Variants in L3MBTL4 observed in about 807,000 individuals in gnomAD.
The protein encoded by L3MBTL4 is lethal(3)malignant brain tumor-like protein 4.
Under a neutral mutation model 84.5 loss-of-function variants are expected in L3MBTL4, and 70 were observed. The observed-to-expected ratio is 0.83, with a 90% CI of 0.68 to 1.01. The LOEUF is 1.01. Among genes scored for constraint, L3MBTL4 ranks in the 50% least tolerant of loss-of-function variants. The pLI, the probability that L3MBTL4 is intolerant of heterozygous loss-of-function variation, is 0.00. For synonymous variants in L3MBTL4, 274 were observed against 259.8 expected (o/e 1.05, Z -0.52); for missense variants, 715 against 754.8 (o/e 0.95, Z 0.62).
chr18:6,108,646 A>T (rs2144035883), intron 14 of L3MBTL4, among the ~76,000 whole-genome samples: 1 of 152,240 alleles, frequency 6.6e-6, no homozygotes, highest in South Asian at 2.1e-4. Context: ...GGGCATTTCT[A>T]GAGCTCAGAA....
chr18:6,404,877 G>A lies in L3MBTL4; in HGVS notation c.-91+9924C>T, dbSNP rs9949307. On this transcript the variant is annotated intron_variant, in intron 1 of 18. Transcript: ENST00000317931. ...ATTTTTTTTTTTTTTTTGAAGAGAC[G>A]AAGTCTCACTATGTTGCCCACGTTG... Among the ~76,000 whole-genome samples, 331 of 150,170 alleles carry A rather than the reference G, an allele frequency of 2.2e-3. 1 individual carries two copies. Among genetic ancestry groups the A allele is most frequent in the African/African-American group, 7.7e-3 (313 of 40,800 alleles).
chr18:6,016,216 G>T (rs1473714363), intron 16 of L3MBTL4, among the ~76,000 whole-genome samples: 1 of 152,138 alleles, frequency 6.6e-6, no homozygotes, highest in Non-Finnish European at 1.5e-5. Flanking sequence ...ACTCTTCCGG[G>T]GGAGCAGCAG....
intron 10 of L3MBTL4, among the ~76,000 whole-genome samples, chr18:6,230,501 A>G (rs1279190988): frequency 3.3e-5 from 5 of 151,996 alleles, no homozygotes; most frequent in Admixed American, 2.6e-4. Flanking sequence ...ATTTGAGTTG[A>G]CTCCATGTCT....
intron 1 of L3MBTL4, among the ~76,000 whole-genome samples, chr18:6,339,110 C>T (rs1017145572): frequency 4.6e-5 from 7 of 152,082 alleles, no homozygotes; most frequent in African/African-American, 9.7e-5. Flanking sequence ...CCCCTTCCGC[C>T]GACCCAAACA....
rs879205521 is a variant in L3MBTL4 at position 5,955,163 on chromosome 18, C to G, written c.*1057G>C. 6 of 152,280 alleles carry G rather than the reference C, an allele frequency of 3.9e-5. No homozygotes were observed. The South Asian group carries it at 8.3e-4, about 21-fold the overall frequency. 9.4% of individuals were successfully genotyped at this position (152,280 alleles called of 1,614,324 possible). On this transcript the variant is annotated 3_prime_UTR_variant, in exon 19 of 19. Coordinates refer to ENST00000317931, the MANE Select transcript of L3MBTL4 (RefSeq NM_001330559.2). ...GTCTTTCAACACTGTGGGACTGATTCCACACAACTTAAGCCTCCGATACAA... is the reference window on the plus strand; with the variant it reads ...GTCTTTCAACACTGTGGGACTGATTGCACACAACTTAAGCCTCCGATACAA...
intron 4 of L3MBTL4, among the ~76,000 whole-genome samples, chr18:6,279,233 A>T (rs2049221551): frequency 6.6e-6 from 1 of 152,302 alleles, no homozygotes; most frequent in East Asian, 1.9e-4. Context: ...AGAGTGAAGA[A>T]TTGATAAAAC....
chr18:5,972,108 C>T (rs1218062228), intron 16 of L3MBTL4, among the ~76,000 whole-genome samples: 4 of 152,158 alleles, frequency 2.6e-5, no homozygotes, highest in African/African-American at 9.7e-5. Flanking sequence ...CAGGCACTTG[C>T]TGAGCTGTGG....
chr18:6,138,813 A>C (rs2060110805), intron 13 of L3MBTL4, among the ~76,000 whole-genome samples: 1 of 152,200 alleles, frequency 6.6e-6, no homozygotes. Context: ...CAGCCTCCCA[A>C]AGTACTGGGA....
At chr18:6,292,220 C>A (rs182160851) in intron 4 of L3MBTL4, among the ~76,000 whole-genome samples, 2 of 152,152 alleles carry the variant, frequency 1.3e-5, no homozygotes, top group Admixed American at 1.3e-4. Flanking sequence ...CAGGTTTCAC[C>A]AAGTTTCTCC....
chr18:6,244,188 C>T (rs180775822), intron 6 of L3MBTL4, among the ~76,000 whole-genome samples: 1 of 152,228 alleles, frequency 6.6e-6, no homozygotes, highest in African/African-American at 2.4e-5. Context: ...AAGTACATCT[C>T]TGTTAATAGG....
At chr18:6,228,615 A>T (rs2046872893) in intron 10 of L3MBTL4, among the ~76,000 whole-genome samples, 2 of 152,338 alleles carry the variant, frequency 1.3e-5, no homozygotes, top group African/African-American at 4.8e-5. Context: ...AGAGCATATA[A>T]GTACATGAAA....
chr18:6,263,460 C>T (rs926098530), intron 5 of L3MBTL4, among the ~76,000 whole-genome samples: 10 of 152,122 alleles, frequency 6.6e-5, no homozygotes, highest in African/African-American at 2.4e-4. Context: ...CTCTGTTCAC[C>T]TTTCTAGTCA....
At chr18:6,175,114 A>T (rs926009313) in intron 12 of L3MBTL4, among the ~76,000 whole-genome samples, 5 of 152,132 alleles carry the variant, frequency 3.3e-5, no homozygotes, top group Admixed American at 6.6e-5. Context: ...AATACAAAGG[A>T]AATGAAAACT....
chr18:6,115,878 C>T (rs536646418), intron 14 of L3MBTL4, among the ~76,000 whole-genome samples: 86 of 152,274 alleles, frequency 5.6e-4, no homozygotes, highest in South Asian at 3.1e-3. Context: ...AATACAGATG[C>T]CCTGGGAGGT....
intron 15 of L3MBTL4, among the ~76,000 whole-genome samples, chr18:6,084,372 TC>T (rs1045955081): frequency 1.3e-5 from 2 of 151,980 alleles, no homozygotes; most frequent in African/African-American, 4.8e-5. Flanking sequence ...ATATTTACCA[TC>T]CGGCTCTTTA....
At chr18:6,281,998 A>C (rs2049341322) in intron 4 of L3MBTL4, among the ~76,000 whole-genome samples, 1 of 152,230 alleles carries the variant, frequency 6.6e-6, no homozygotes, top group South Asian at 2.1e-4. Flanking sequence ...CTGTCTCTCC[A>C]CAAGAGACGC....
intron 1 of L3MBTL4, among the ~76,000 whole-genome samples, chr18:6,357,983 C>T (rs1470625788): frequency 6.6e-6 from 1 of 152,172 alleles, no homozygotes; most frequent in East Asian, 1.9e-4. Context: ...TTTGACCAAG[C>T]CTTGGACAGA....
intron 15 of L3MBTL4, among the ~76,000 whole-genome samples, chr18:6,082,038 C>G (rs922957448): frequency 6.6e-6 from 1 of 152,036 alleles, no homozygotes; most frequent in African/African-American, 2.4e-5. Context: ...ATTCAGTGTG[C>G]GAAAACTTGA....
At chr18:6,169,368 A>T (rs908421772) in intron 13 of L3MBTL4, among the ~76,000 whole-genome samples, 6 of 152,212 alleles carry the variant, frequency 3.9e-5, no homozygotes, top group Non-Finnish European at 5.9e-5. Context: ...TGCTATAAAG[A>T]CACATGCACA....
Sources: allele counts gnomAD v4.1 joint callset (sites outside exome capture counted in the v4.1 genomes callset), GRCh38; gene constraint gnomAD v4.1.1; transcripts MANE v1.5; gene names NCBI Gene and HGNC (gene_info 2026-07-23, HGNC 2026-07-21).